Variants in PLAGL1 observed in about 807,000 individuals in gnomAD.
PLAGL1 encodes zinc finger protein PLAGL1.
In PLAGL1, 1 loss-of-function variant was observed where a neutral mutation model predicts 4.6. The observed-to-expected ratio is 0.22, with a 90% confidence interval of 0.08 to 1.03. The LOEUF (loss-of-function observed/expected upper bound fraction) is 1.03. Ranked by LOEUF, PLAGL1 falls within the 50% of genes least tolerant of loss-of-function variation. The probability of loss-of-function intolerance (pLI) is 0.58; values close to 1 mark genes in which losing one functional copy is unlikely to be tolerated. For synonymous variants in PLAGL1, 240 were observed against 237.8 expected, an observed-to-expected ratio of 1.01 and a Z score of -0.08; for missense variants, 464 against 570.4, an observed-to-expected ratio of 0.81 and a Z score of 1.90.
chr6:144,018,176 A>G (rs1245006817), intron 1 of PLAGL1, among the ~76,000 whole-genome samples: 2 of 152,256 alleles, frequency 1.3e-5, no homozygotes, highest in African/African-American at 4.8e-5. Context: ...GGATATTTAT[A>G]TAGTCTATAT....
intron 1 of PLAGL1, among the ~76,000 whole-genome samples, chr6:143,992,478 T>C (rs779511307): frequency 4.6e-5 from 7 of 152,158 alleles, no homozygotes; most frequent in Admixed American, 6.5e-5. Context: ...TACATAGAAA[T>C]TGGTACCAGA....
intron 1 of PLAGL1, among the ~76,000 whole-genome samples, chr6:144,045,465 A>G (rs1236281041): frequency 6.6e-6 from 1 of 152,188 alleles, no homozygotes; most frequent in East Asian, 1.9e-4. Context: ...TTGGCTGGAT[A>G]TGAAATTCTG....
At chr6:143,996,380 T>A (rs761836417) in intron 1 of PLAGL1, among the ~76,000 whole-genome samples, 3 of 152,228 alleles carry the variant, frequency 2.0e-5, no homozygotes, top group African/African-American at 7.2e-5. Context: ...AAAGCGCTTG[T>A]AAACAGAAAG....
In PLAGL1 at chr6:143,950,971, G is replaced by A. The variant is rs1308219120; in HGVS notation, c.-324-2511C>T. 6.6e-6 allele frequency among the ~76,000 whole-genome samples: 1 copy of A among 152,234 alleles called. No individual in the cohort carries two copies. The highest frequency in any genetic ancestry group is 1.5e-5 in the Non-Finnish European group (1 of 68,040). Reference sequence around the variant, plus strand: ...GACTCTTGGTATTCCCATCAAAGGAGAGGAAGGCAAGGCTGTGCTTTCCTT... The same window carrying A: ...GACTCTTGGTATTCCCATCAAAGGAAAGGAAGGCAAGGCTGTGCTTTCCTT... On this transcript the variant is annotated intron_variant, in intron 6 of 7. Coordinates refer to ENST00000674357, the MANE Select transcript of PLAGL1 (RefSeq NM_001317162.2). The surrounding 1 kb of genome is among the most constrained non-coding windows in gnomAD (Gnocchi z 6.3).
In PLAGL1 at chr6:143,959,534, A is replaced by G. The variant is rs1782898667; in HGVS notation, c.-325+935T>C. Among the ~76,000 whole-genome samples, 1 of 152,178 alleles carries G rather than the reference A, an allele frequency of 6.6e-6. No homozygotes were observed. Among genetic ancestry groups the G allele is most frequent in the South Asian group, 2.1e-4 (1 of 4,836 alleles). ...TCTTGGTCAATAAATCCAAATATTT[A>G]GTGACAATATTGTATTTCAGTAGGA... On this transcript the variant is annotated intron_variant, in intron 6 of 7. Coordinates refer to ENST00000674357, the MANE Select transcript of PLAGL1 (RefSeq NM_001317162.2). The surrounding 1 kb of genome is among the most constrained non-coding windows in gnomAD (Gnocchi z 5.3).
intron 1 of PLAGL1, among the ~76,000 whole-genome samples, chr6:144,025,141 A>G (rs890152745): frequency 2.6e-5 from 4 of 152,234 alleles, no homozygotes; most frequent in African/African-American, 7.2e-5. Context: ...TCATAGTCAC[A>G]GCTGTACCCT....
chr6:144,062,148 C>T (rs749425866), intron 1 of PLAGL1, among the ~76,000 whole-genome samples: 5 of 152,160 alleles, frequency 3.3e-5, no homozygotes, highest in East Asian at 1.9e-4. Context: ...GAGATGAAGG[C>T]GGGCAGATCA....
chr6:143,956,009 G>A (rs1428263015), intron 6 of PLAGL1, among the ~76,000 whole-genome samples: 1 of 152,200 alleles, frequency 6.6e-6, no homozygotes, highest in East Asian at 1.9e-4. Context: ...GGGCTTAATG[G>A]TGCCTAATGG....
Position 143,941,801 on chromosome 6 carries a change from G to C in PLAGL1, c.1015C>G (p.Pro339Ala). ...SLFEDLPLQE[P>A]QSPQKLNPGF... is the part of the protein sequence containing the mutation. ...GGGTTGAGCTTTTGAGGTGACTGAG[G>C]CTCTTGCAGAGGCAAGTCCTCAAAC... Residue 339 changes from proline to alanine, a missense_variant, in exon 8 of 8, where the codon CCT (proline) becomes GCT (alanine). Pro to Ala is a conservative substitution (Grantham distance 27). Transcript: ENST00000674357. The surrounding 1 kb of genome is among the most constrained non-coding windows in gnomAD (Gnocchi z 6.0). 3 of 1,614,252 alleles carry C rather than the reference G, an allele frequency of 1.9e-6. No homozygotes were observed. The highest frequency in any genetic ancestry group is 2.5e-6 in the Non-Finnish European group (3 of 1,180,034).
At chr6:143,967,112 C>T (rs1007853157) in intron 3 of PLAGL1, 11 of 152,044 alleles carry the variant, frequency 7.2e-5, no homozygotes, top group African/African-American at 2.7e-4. Context: ...GGTCTAAGTT[C>T]GAATGCTGGC....
rs189649376 is a variant in PLAGL1, at chr6:143,970,623, A to G, written c.-543-1645T>C. Among the ~76,000 whole-genome samples the G allele has an allele frequency of 1.0e-3, 155 of 152,312 alleles. No homozygotes were observed. The highest frequency in any genetic ancestry group is 1.7e-3 in the Non-Finnish European group (116 of 68,026). ...AGTCTGGGTGGACGGGAAACTGTCT[A>G]AGAGGGAAATATCTGGTATTTTTCT... is the stretch of plus-strand genomic sequence containing the variant. On this transcript the variant is annotated intron_variant, in intron 2 of 7. Coordinates refer to ENST00000674357, the MANE Select transcript of PLAGL1 (RefSeq NM_001317162.2). This position sits in a 1 kb window ranked among gnomAD's most constrained non-coding sequence, Gnocchi z 5.8.
intron 1 of PLAGL1, among the ~76,000 whole-genome samples, chr6:143,986,731 C>T (rs1219448839): frequency 2.0e-5 from 3 of 152,196 alleles, no homozygotes; most frequent in Admixed American, 2.0e-4. Context: ...TGAAACTACA[C>T]AGCACATTTA....
At chr6:144,026,290 G>T (rs1042529228) in intron 1 of PLAGL1, among the ~76,000 whole-genome samples, 1 of 152,130 alleles carries the variant, frequency 6.6e-6, no homozygotes, top group African/African-American at 2.4e-5. Context: ...AGGAGCTTCG[G>T]TTTAGCAGAG....
At chr6:143,976,609 T>C (rs1786606660) in intron 2 of PLAGL1, among the ~76,000 whole-genome samples, 1 of 152,184 alleles carries the variant, frequency 6.6e-6, no homozygotes, top group African/African-American at 2.4e-5. Flanking sequence ...ATTTTCTTCA[T>C]TACCATTTAT....
At chr6:143,943,031 AT>A (rs61216054) in intron 7 of PLAGL1, among the ~76,000 whole-genome samples, 41 of 64,650 alleles carry the variant, frequency 6.3e-4, no homozygotes, top group South Asian at 8.9e-4. Flanking sequence ...GGCCTGGCTA[AT>A]TTTTTTTTTT....
chr6:143,943,007 G>A (rs905071376), intron 7 of PLAGL1, among the ~76,000 whole-genome samples: 46 of 130,648 alleles, frequency 3.5e-4, no homozygotes, highest in Middle Eastern at 4.9e-3. Flanking sequence ...CTGAACTACA[G>A]GCACACACCA....
intron 1 of PLAGL1, among the ~76,000 whole-genome samples, chr6:144,060,275 T>C (rs1039272153): frequency 2.6e-5 from 4 of 152,122 alleles, no homozygotes; most frequent in African/African-American, 7.2e-5. Flanking sequence ...TCTCAAACTC[T>C]TGGGCTCAAG....
intron 1 of PLAGL1, among the ~76,000 whole-genome samples, chr6:143,987,830 ACT>A (rs968264352): frequency 3.3e-5 from 5 of 152,040 alleles, no homozygotes; most frequent in Non-Finnish European, 4.4e-5. Flanking sequence ...TTCTCTGAAA[ACT>A]CTGTCTAAAA....
intron 1 of PLAGL1, among the ~76,000 whole-genome samples, chr6:144,044,549 G>A (rs942006550): frequency 1.3e-5 from 2 of 152,188 alleles, no homozygotes; most frequent in African/African-American, 4.8e-5. Flanking sequence ...GAGACAGTTT[G>A]TTGTGATTTC....
Sources: allele counts gnomAD v4.1 joint callset (sites outside exome capture counted in the v4.1 genomes callset), GRCh38; gene constraint gnomAD v4.1.1; non-coding constraint Gnocchi (gnomAD v3.1); transcripts MANE v1.5; gene names NCBI Gene and HGNC (gene_info 2026-07-23, HGNC 2026-07-21).